Variants in BMP2K observed in about 807,000 individuals in gnomAD.
BMP2K encodes the protein BMP-2-inducible protein kinase.
In BMP2K, 74 loss-of-function variants were observed where a neutral mutation model predicts 116.0. The ratio of observed to expected loss-of-function variants is 0.64; its 90% CI spans 0.53 to 0.77. The LOEUF (loss-of-function observed/expected upper bound fraction) is 0.77, where lower values mean the gene tolerates loss of function less well. BMP2K is among the 30% of genes least tolerant of loss of function. BMP2K has a pLI of 0.00. For synonymous variants in BMP2K, 486 were observed against 502.5 expected, an observed-to-expected ratio of 0.97 and a Z score of 0.44; for missense variants, 1,365 against 1,403.6, an observed-to-expected ratio of 0.97 and a Z score of 0.44.
At chr4:78,870,738 T>A in intron 10 of BMP2K, 45 bp from the exon 11 acceptor site, 2 of 1,550,440 alleles carry the variant, frequency 1.3e-6, no homozygotes, top group Non-Finnish European at 1.7e-6. Flanking sequence ...GCTTTTTAAT[T>A]GAAATCATTA....
chr4:78,788,253 T>C (rs973573208), intron 1 of BMP2K, among the ~76,000 whole-genome samples: 1 of 152,152 alleles, frequency 6.6e-6, no homozygotes, highest in African/African-American at 2.4e-5. Context: ...TTCTGAAATA[T>C]TTGTTCAGAG....
At chr4:78,907,967 A>AT (rs1212647694) in intron 15 of BMP2K, among the ~76,000 whole-genome samples, 2 of 152,038 alleles carry the variant, frequency 1.3e-5, no homozygotes. Flanking sequence ...TTTTATTTTC[A>AT]TTTTTCCCTT....
At chr4:78,782,180 C>G (rs1271828935) in intron 1 of BMP2K, among the ~76,000 whole-genome samples, 1 of 152,172 alleles carries the variant, frequency 6.6e-6, no homozygotes, top group African/African-American at 2.4e-5. Context: ...ATCCCTGTTT[C>G]CTAAGTACTG....
At chr4:78,835,571 A>G (rs1577911884) in intron 3 of BMP2K, among the ~76,000 whole-genome samples, 2 of 149,580 alleles carry the variant, frequency 1.3e-5, no homozygotes, top group African/African-American at 4.9e-5. Context: ...GGAGCTTGCA[A>G]TGAGCCGAGA....
chr4:78,818,354 G>C (rs141355755), intron 1 of BMP2K, among the ~76,000 whole-genome samples: 1 of 152,110 alleles, frequency 6.6e-6, no homozygotes, highest in Non-Finnish European at 1.5e-5. Context: ...CTTCCACAAT[G>C]GTTGAACTTA....
At chr4:78,839,468 G>A (rs1730650082) in intron 3 of BMP2K, among the ~76,000 whole-genome samples, 1 of 152,164 alleles carries the variant, frequency 6.6e-6, no homozygotes, top group Admixed American at 6.5e-5. Flanking sequence ...CATTTATTGG[G>A]ACAGACTGCA....
At chr4:78,787,293 A>G (rs1311020651) in intron 1 of BMP2K, among the ~76,000 whole-genome samples, 1 of 152,208 alleles carries the variant, frequency 6.6e-6, no homozygotes, top group East Asian at 1.9e-4. Flanking sequence ...TTTGTTAATA[A>G]TGTAGTTCTA....
At chr4:78,796,346 T>C (rs988802182) in intron 1 of BMP2K, among the ~76,000 whole-genome samples, 9 of 125,402 alleles carry the variant, frequency 7.2e-5, no homozygotes, top group African/African-American at 2.2e-4. Flanking sequence ...TGAGAACACA[T>C]GGACACAGGA....
chr4:78,847,219 A>G lies in BMP2K; in HGVS notation c.700A>G (p.Met234Val), dbSNP rs780996654. The change falls in exon 6 of 16, where the codon ATG becomes GTG. Residue 234 changes from methionine (M) to valine (V), a missense_variant. By Grantham distance (21) the Met-to-Val change is conservative. This residue lies in a region of BMP2K where 762 missense variants were observed against 756.7 expected (regional missense o/e 1.01). Transcript: ENST00000502613. ...YTTLSYRAPE[M>V]INLYGGKPIT... ...AACTCTGTCATACAGAGCCCCTGAA[A>G]TGATCAACCTTTATGGAGGGAAACC... 4.4e-6 allele frequency: 7 copies of G among 1,586,596 alleles called. No homozygotes were observed. The African/African-American group carries it at 8.2e-5, about 18-fold the overall frequency.
chr4:78,858,911 G>A (rs1034037112), intron 7 of BMP2K, among the ~76,000 whole-genome samples: 9 of 151,804 alleles, frequency 5.9e-5, no homozygotes, highest in African/African-American at 2.4e-5. Context: ...ACTACCAAAT[G>A]GTAGTGGTCA....
intron 1 of BMP2K, among the ~76,000 whole-genome samples, chr4:78,806,817 A>G (rs1029203548): frequency 6.6e-6 from 1 of 151,118 alleles, no homozygotes; most frequent in South Asian, 2.1e-4. Context: ...GTTATCATGA[A>G]GTGGTGGTGG....
rs570471420 is a variant in BMP2K, at chr4:78,789,954, G to A, written c.178+13233G>A. 2.6e-5 allele frequency among the ~76,000 whole-genome samples: 4 copies of A among 152,162 alleles called. No homozygotes were observed. The East Asian group carries it at 7.7e-4, about 29-fold the overall frequency. The stretch of plus-strand genomic sequence containing the variant: ...GTGGAGTCTGAAGTGCTGTAATATC[G>A]GATCCCTATTTGCATTTTACCTGAT... On this transcript the variant is annotated intron_variant, in intron 1 of 15. Coordinates refer to ENST00000502613, the MANE Select transcript of BMP2K (RefSeq NM_198892.2).
rs1577991873 is a variant in BMP2K, at chr4:78,912,847, T to G, written c.*814T>G. 1 of 152,088 alleles carries G rather than the reference T, an allele frequency of 6.6e-6. No homozygotes were observed. The highest frequency in any genetic ancestry group is 1.5e-5 in the Non-Finnish European group (1 of 67,988). 9.4% of individuals were successfully genotyped at this position (152,088 alleles called of 1,614,324 possible). A position where few individuals can be genotyped will look rare whatever the true frequency, so the allele number is the denominator to read the frequency against. ...ATATCTGACATTTGTAAAGAAATTA[T>G]AAGAAGAAAAAAAGATACAGAACAG... On this transcript the variant is annotated 3_prime_UTR_variant, in exon 16 of 16. Transcript: ENST00000502613.
intron 1 of BMP2K, among the ~76,000 whole-genome samples, chr4:78,779,720 T>C (rs1435785288): frequency 2.0e-5 from 3 of 152,226 alleles, no homozygotes; most frequent in Non-Finnish European, 2.9e-5. Context: ...ATTATGTCTA[T>C]AATTTGAAAA....
intron 15 of BMP2K, among the ~76,000 whole-genome samples, chr4:78,898,612 C>G (rs1385532208): frequency 1.3e-5 from 2 of 149,812 alleles, no homozygotes; most frequent in Non-Finnish European, 3.0e-5. Flanking sequence ...ATATTCCTTT[C>G]CTGTTTAAAG....
intron 15 of BMP2K, among the ~76,000 whole-genome samples, chr4:78,889,159 T>G (rs62307962): frequency 0.071 from 10,404 of 145,712 alleles, 498 homozygotes; most frequent in East Asian, 0.22. Context: ...AGGCGGAGTT[T>G]GCAGTGAGCC....
At chr4:78,875,937 A>T (rs530299198) in intron 13 of BMP2K, among the ~76,000 whole-genome samples, 1 of 152,242 alleles carries the variant, frequency 6.6e-6, no homozygotes, top group African/African-American at 2.4e-5. Context: ...CTCAGCAGTC[A>T]TGGGCTGCTG....
chr4:78,871,819 A>G, intron 11 of BMP2K, 31 bp from the exon 12 acceptor site: 1 of 1,501,248 alleles, frequency 6.7e-7, no homozygotes, highest in Non-Finnish European at 9.2e-7. Flanking sequence ...AAAAAGGCAT[A>G]ACATTTATTA....
intron 15 of BMP2K, among the ~76,000 whole-genome samples, chr4:78,901,143 A>C (rs1733979712): frequency 6.6e-6 from 1 of 152,162 alleles, no homozygotes; most frequent in African/African-American, 2.4e-5. Flanking sequence ...TCTTGGGCTC[A>C]AGCAATCCTA....
Sources: gnomAD v4.1 joint callset for allele counts (sites outside exome capture counted in the v4.1 genomes callset) on GRCh38, gnomAD v4.1.1 for gene constraint, gnomAD v4.1.1 regional missense constraint, MANE v1.5 for transcripts, NCBI Gene and HGNC (gene_info 2026-07-23, HGNC 2026-07-21) for gene names.